SUPT3H: variants seen among roughly 807,000 people sequenced by gnomAD.
SUPT3H encodes SPT3 homolog, SAGA and STAGA complex component.
Under a neutral mutation model 44.3 loss-of-function variants are expected in SUPT3H, and 44 were observed. That is an observed-to-expected ratio of 0.99 (90% CI 0.78 to 1.28). SUPT3H has a LOEUF of 1.28. SUPT3H is among the 50% of genes most tolerant of loss of function. SUPT3H has a pLI of 0.00. For missense variants in SUPT3H, 380 were observed against 387.1 expected (o/e 0.98, Z 0.15); for synonymous variants, 124 against 125.6 (o/e 0.99, Z 0.09).
chr6:44,886,952 G>A (rs1199123343), intron 10 of SUPT3H, among the ~76,000 whole-genome samples: 1 of 152,014 alleles, frequency 6.6e-6, no homozygotes, highest in Non-Finnish European at 1.5e-5. Context: ...AACAAAAAAA[G>A]GCAGGGGTTG....
At chr6:45,037,729 TA>T in intron 3 of SUPT3H, among the ~76,000 whole-genome samples, 1 of 147,908 alleles carries the variant, frequency 6.8e-6, no homozygotes, top group Admixed American at 6.8e-5. Flanking sequence ...TAAGATAAAA[TA>T]AAAGGGGTAG....
intron 11 of SUPT3H, among the ~76,000 whole-genome samples, chr6:44,811,044 GAACA>G (rs1581790684): frequency 6.6e-6 from 1 of 152,054 alleles, no homozygotes; most frequent in East Asian, 1.9e-4. Flanking sequence ...CACAATTAAT[GAACA>G]AATATTGGTA....
chr6:44,817,499 A>T (rs1306487586), intron 11 of SUPT3H, among the ~76,000 whole-genome samples: 1 of 152,150 alleles, frequency 6.6e-6, no homozygotes, highest in Non-Finnish European at 1.5e-5. Flanking sequence ...ATGAAGAAGA[A>T]ATAAAAACCA....
At chr6:45,278,955 C>A (rs1777487994) in intron 2 of SUPT3H, among the ~76,000 whole-genome samples, 1 of 151,978 alleles carries the variant, frequency 6.6e-6, no homozygotes, top group Non-Finnish European at 1.5e-5. Flanking sequence ...TTTTTTAAAA[C>A]TAGCATATTT....
intron 2 of SUPT3H, chr6:45,321,793 T>C (rs756787281): frequency 6.3e-7 from 1 of 1,598,054 alleles, no homozygotes; most frequent in Middle Eastern, 1.7e-4. Flanking sequence ...TCCCACTACT[T>C]ACCTGCCAGA....
At chr6:45,339,688 C>T (rs1789354243) in intron 2 of SUPT3H, among the ~76,000 whole-genome samples, 2 of 152,138 alleles carry the variant, frequency 1.3e-5, no homozygotes, top group South Asian at 2.1e-4. Flanking sequence ...GTTCAAATAG[C>T]TATTCTAAGT....
At chr6:44,843,771 C>A (rs112203379) in intron 10 of SUPT3H, among the ~76,000 whole-genome samples, 5 of 151,926 alleles carry the variant, frequency 3.3e-5, no homozygotes, top group Admixed American at 6.6e-5. Flanking sequence ...GATCAGAAGA[C>A]AATATTGTAA....
chr6:45,210,139 T>C (rs944674879), intron 2 of SUPT3H, among the ~76,000 whole-genome samples: 1 of 152,114 alleles, frequency 6.6e-6, no homozygotes, highest in African/African-American at 2.4e-5. Flanking sequence ...AAAATAAATC[T>C]CGGGACCCCA....
intron 10 of SUPT3H, among the ~76,000 whole-genome samples, chr6:44,855,842 C>T (rs968323696): frequency 6.6e-6 from 1 of 151,910 alleles, no homozygotes; most frequent in African/African-American, 2.4e-5. Flanking sequence ...AAGCTTCATA[C>T]TGTCTGCCAT....
chr6:44,947,921 G>A (rs1005491413), intron 9 of SUPT3H, among the ~76,000 whole-genome samples: 20 of 152,120 alleles, frequency 1.3e-4, no homozygotes, highest in African/African-American at 4.1e-4. Context: ...ATATCATCAT[G>A]ACATGGGAGT....
At chr6:44,985,231 T>TAAAATA (rs1939454042) in intron 6 of SUPT3H, among the ~76,000 whole-genome samples, 2 of 147,152 alleles carry the variant, frequency 1.4e-5, no homozygotes, top group Non-Finnish European at 3.0e-5. Flanking sequence ...TAAAATAAAA[T>TAAAATA]AAAATAAATA....
intron 10 of SUPT3H, among the ~76,000 whole-genome samples, chr6:44,885,038 T>G (rs1454324369): frequency 6.6e-6 from 1 of 152,080 alleles, no homozygotes; most frequent in East Asian, 1.9e-4. Flanking sequence ...GAAATCAAAC[T>G]GCAAGGCGGC....
At chr6:44,812,662 T>C (rs1333360055) in intron 11 of SUPT3H, among the ~76,000 whole-genome samples, 1 of 152,190 alleles carries the variant, frequency 6.6e-6, no homozygotes, top group Non-Finnish European at 1.5e-5. Flanking sequence ...AAATCCAGTG[T>C]GGCCAGGACT....
In SUPT3H at chr6:45,067,649, G is replaced by A. The variant is rs1318644000; in HGVS notation, c.186+38273C>T. Among the ~76,000 whole-genome samples the A allele has an allele frequency of 9.2e-4, 137 of 149,612 alleles. 1 individual carries two copies. The highest frequency in any genetic ancestry group is 2.4e-3 in the Admixed American group (36 of 15,092). On this transcript the variant is annotated intron_variant, in intron 3 of 10. Transcript: ENST00000371459. ...AAAACAACCCCATCAAAAAGTGGGC[G>A]AAGGACATGAACAGACACTTCTCAA...
At chr6:45,336,938 A>C (rs1428920408) in intron 2 of SUPT3H, among the ~76,000 whole-genome samples, 1 of 151,698 alleles carries the variant, frequency 6.6e-6, no homozygotes, top group African/African-American at 2.4e-5. Flanking sequence ...TCATTATTAT[A>C]AACTGGCATA....
chr6:45,088,284 G>C (rs1796723255), intron 3 of SUPT3H, among the ~76,000 whole-genome samples: 1 of 151,966 alleles, frequency 6.6e-6, no homozygotes, highest in Non-Finnish European at 1.5e-5. Flanking sequence ...ACTGTATAAG[G>C]CATGACATGC....
At chr6:45,194,943 A>C (rs1196909200) in intron 2 of SUPT3H, among the ~76,000 whole-genome samples, 1 of 152,174 alleles carries the variant, frequency 6.6e-6, no homozygotes, top group Non-Finnish European at 1.5e-5. Context: ...GGCAAAACTA[A>C]AATGCTTTAA....
intron 3 of SUPT3H, among the ~76,000 whole-genome samples, chr6:45,054,641 T>C (rs969211): frequency 0.36 from 55,366 of 152,034 alleles, 10,726 homozygotes; most frequent in Non-Finnish European, 0.43. Flanking sequence ...TGCCACTATG[T>C]AGCCATTGGG....
intron 2 of SUPT3H, among the ~76,000 whole-genome samples, chr6:45,313,962 T>C (rs1307337284): frequency 6.6e-5 from 10 of 152,222 alleles, no homozygotes; most frequent in Non-Finnish European, 2.9e-5. Flanking sequence ...GTGGGTTTCA[T>C]ACCAGGGATG....
Sources: allele counts gnomAD v4.1 joint callset (sites outside exome capture counted in the v4.1 genomes callset), GRCh38; gene constraint gnomAD v4.1.1; transcripts MANE v1.5; gene names NCBI Gene and HGNC (gene_info 2026-07-23, HGNC 2026-07-21).